The following SBF2 variants were observed in gnomAD, a reference collection of about 807,000 sequenced individuals.
SBF2 encodes the protein myotubularin-related protein 13.
SBF2 carries 112 observed loss-of-function variants against 225.2 expected under a neutral mutation model. The ratio of observed to expected loss-of-function variants is 0.50; its 90% CI spans 0.43 to 0.58. SBF2 has a LOEUF of 0.58. SBF2 is among the 20% of genes least tolerant of loss of function. The probability of loss-of-function intolerance (pLI) is 0.00; values close to 1 mark genes in which losing one functional copy is unlikely to be tolerated. For missense variants in SBF2, 1,996 were observed against 2,206.2 expected (o/e 0.90, Z 1.91); for synonymous variants, 763 against 773.3 (o/e 0.99, Z 0.22).
chr11:10,169,092 T>A (rs921521250), intron 2 of SBF2, among the ~76,000 whole-genome samples: 1 of 152,166 alleles, frequency 6.6e-6, no homozygotes, highest in Non-Finnish European at 1.5e-5. Flanking sequence ...ATTTATCAGG[T>A]ACATGAAATA....
intron 1 of SBF2, among the ~76,000 whole-genome samples, chr11:10,290,903 G>C (rs1964120467): frequency 6.6e-6 from 1 of 152,174 alleles, no homozygotes; most frequent in Non-Finnish European, 1.5e-5. Context: ...CTAGCCTTGA[G>C]ATCTTAGCTT....
chr11:10,034,787 A>G (rs970033237), intron 3 of SBF2, among the ~76,000 whole-genome samples: 2 of 152,240 alleles, frequency 1.3e-5, no homozygotes, highest in African/African-American at 4.8e-5. Flanking sequence ...CAATTTAAGA[A>G]CTTAAAAATT....
rs149989654 is a variant in SBF2, at chr11:10,146,453, CA to C, written c.141+47448del. ...ATCATCCAATCTTGAACAAAGCCGA[CA>C]AAAAACAAGCACTGGGGAAAGGACT... On this transcript the variant is annotated intron_variant, in intron 2 of 39. Transcript: ENST00000256190. Among the ~76,000 whole-genome samples the C allele has an allele frequency of 6.9e-3, 1,052 of 151,872 alleles. 9 individuals carry two copies. The highest frequency in any genetic ancestry group is 0.027 in the Middle Eastern group (8 of 294).
chr11:9,854,970 G>C (rs1475182630), intron 19 of SBF2, among the ~76,000 whole-genome samples: 1 of 152,208 alleles, frequency 6.6e-6, no homozygotes, highest in Admixed American at 6.5e-5. Flanking sequence ...GGAGAATGGA[G>C]ATAAAGCTGT....
At chr11:10,041,945 T>C (rs1305071488) in intron 3 of SBF2, among the ~76,000 whole-genome samples, 1 of 151,346 alleles carries the variant, frequency 6.6e-6, no homozygotes, top group Non-Finnish European at 1.5e-5. Context: ...AAAAAAACCC[T>C]ACACTTTTTG....
At chr11:10,193,653 T>G (rs908735429) in intron 2 of SBF2, among the ~76,000 whole-genome samples, 1 of 152,022 alleles carries the variant, frequency 6.6e-6, no homozygotes, top group Non-Finnish European at 1.5e-5. Flanking sequence ...CGCCTGGCCC[T>G]CAATTTCAGC....
At chr11:10,127,980 C>T (rs1953839677) in intron 2 of SBF2, among the ~76,000 whole-genome samples, 1 of 152,154 alleles carries the variant, frequency 6.6e-6, no homozygotes, top group Admixed American at 6.5e-5. Flanking sequence ...TACTTTATAA[C>T]ATTATGTGAG....
At chr11:9,866,306 C>G (rs1858216486) in intron 17 of SBF2, among the ~76,000 whole-genome samples, 1 of 152,096 alleles carries the variant, frequency 6.6e-6, no homozygotes, top group Non-Finnish European at 1.5e-5. Flanking sequence ...CTGGAAGCAT[C>G]ACACTATCTG....
At chr11:10,292,243 G>C (rs957183391) in intron 1 of SBF2, among the ~76,000 whole-genome samples, 1 of 152,204 alleles carries the variant, frequency 6.6e-6, no homozygotes, top group Non-Finnish European at 1.5e-5. Context: ...TGATCATGTA[G>C]GAGAACATTC....
chr11:10,260,844 C>T (rs1415005309), intron 1 of SBF2, among the ~76,000 whole-genome samples: 1 of 145,520 alleles, frequency 6.9e-6, no homozygotes, highest in African/African-American at 2.5e-5. Flanking sequence ...TGTGCCACTG[C>T]ACTCCAGCTT....
intron 2 of SBF2, among the ~76,000 whole-genome samples, chr11:10,054,523 G>T (rs1320252863): frequency 6.6e-6 from 1 of 152,036 alleles, no homozygotes; most frequent in East Asian, 1.9e-4. Context: ...CTAAGGCCCC[G>T]AAAGTAAATG....
intron 2 of SBF2, among the ~76,000 whole-genome samples, chr11:10,049,270 G>A (rs1949977947): frequency 6.6e-6 from 1 of 152,070 alleles, no homozygotes; most frequent in African/African-American, 2.4e-5. Context: ...AACATGGAAT[G>A]GGATTTTGTT....
At position 9,780,505 on chromosome 11, in the gene SBF2, G is replaced by C. The variant is rs1410512046; in HGVS notation, c.5463C>G (p.Ser1821Arg). Residue 1821 changes from serine to arginine, a missense_variant, in exon 40 of 40, where the codon AGC becomes AGG. Physicochemically the swap from Ser to Arg is moderately radical, Grantham distance 110 (BLOSUM62 -1). Coordinates refer to ENST00000256190, the MANE Select transcript of SBF2 (RefSeq NM_030962.4). Reference protein sequence around the residue: ...SDKAFFDLKTSKRVYNFCAQD... With the variant: ...SDKAFFDLKTRKRVYNFCAQD... ...GGGCGCAGAAGTTATACACACGTTTGCTGGTCTTGAGCTACAAAACCAAAT... is the reference window on the plus strand; with the variant it reads ...GGGCGCAGAAGTTATACACACGTTTCCTGGTCTTGAGCTACAAAACCAAAT... The C allele has an allele frequency of 6.2e-7, 1 of 1,614,144 alleles. No homozygotes were observed. Among genetic ancestry groups the C allele is most frequent in the Non-Finnish European group, 8.5e-7 (1 of 1,180,010 alleles).
intron 16 of SBF2, among the ~76,000 whole-genome samples, chr11:9,911,086 G>T (rs978098886): frequency 6.6e-6 from 1 of 150,934 alleles, no homozygotes; most frequent in Non-Finnish European, 1.5e-5. Context: ...AAAAAAACAC[G>T]ACTGGGCACG....
chr11:9,910,890 C>CAAAAAA (rs68011518), intron 16 of SBF2, among the ~76,000 whole-genome samples: 10 of 93,588 alleles, frequency 1.1e-4, no homozygotes, highest in Non-Finnish European at 1.4e-4. Context: ...TACTAAAATA[C>CAAAAAA]AAAAAAAAAA....
At chr11:10,098,088 G>C (rs566946348) in intron 2 of SBF2, among the ~76,000 whole-genome samples, 7 of 152,054 alleles carry the variant, frequency 4.6e-5, no homozygotes, top group Non-Finnish European at 1.0e-4. Flanking sequence ...CTGCCAACTA[G>C]GCTATATGTT....
At chr11:9,835,265 T>C (rs1481150780) in intron 26 of SBF2, among the ~76,000 whole-genome samples, 1 of 151,986 alleles carries the variant, frequency 6.6e-6, no homozygotes, top group East Asian at 1.9e-4. Flanking sequence ...AATTGACCAC[T>C]ACAAGCATCC....
chr11:10,008,886 A>C lies in SBF2; in HGVS notation c.620-6197T>G, dbSNP rs139319018. ...TTTTGGACACTGGAGCAGCCTTCTC[A>C]ATGCTTACCTCTTTTCCTGGGCAAT... is the stretch of plus-strand genomic sequence containing the variant. On this transcript the variant is annotated intron_variant, in intron 6 of 39. Transcript: ENST00000256190. Among the ~76,000 whole-genome samples, 640 of 152,334 alleles carry C rather than the reference A, an allele frequency of 4.2e-3. 3 individuals carry two copies. The highest frequency in any genetic ancestry group is 0.015 in the African/African-American group (610 of 41,584).
intron 17 of SBF2, among the ~76,000 whole-genome samples, chr11:9,876,973 G>C (rs1247746753): frequency 6.6e-6 from 1 of 152,060 alleles, no homozygotes; most frequent in Non-Finnish European, 1.5e-5. Flanking sequence ...TCCTGACCTC[G>C]AGCAATCCAC....
Sources: allele counts gnomAD v4.1 joint callset (sites outside exome capture counted in the v4.1 genomes callset), GRCh38; gene constraint gnomAD v4.1.1; transcripts MANE v1.5; gene names NCBI Gene and HGNC (gene_info 2026-07-23, HGNC 2026-07-21).